LHFPL3: variants seen among roughly 807,000 people sequenced by gnomAD.
The protein encoded by LHFPL3 is LHFPL tetraspan subfamily member 3.
LHFPL3 carries 5 observed loss-of-function variants against 19.3 expected under a neutral mutation model. The observed-to-expected ratio is 0.26, with a 90% CI of 0.14 to 0.54. LHFPL3 has a LOEUF of 0.54. LHFPL3 is among the 20% of genes least tolerant of loss of function. The pLI is 0.94. For missense variants in LHFPL3, 249 were observed against 307.4 expected, an observed-to-expected ratio of 0.81 and a Z score of 1.42; for synonymous variants, 133 against 126.2, an observed-to-expected ratio of 1.05 and a Z score of -0.36.
chr7:104,578,542 A>G (rs1226874432), intron 1 of LHFPL3, among the ~76,000 whole-genome samples: 1 of 152,232 alleles, frequency 6.6e-6, no homozygotes, highest in Non-Finnish European at 1.5e-5. Flanking sequence ...GTATGATATT[A>G]CATTATATTA....
intron 1 of LHFPL3, among the ~76,000 whole-genome samples, chr7:104,521,639 T>C (rs1391085354): frequency 6.6e-6 from 1 of 152,080 alleles, no homozygotes; most frequent in Non-Finnish European, 1.5e-5. Context: ...AACCTACTCA[T>C]CTGACAAAGG....
intron 2 of LHFPL3, among the ~76,000 whole-genome samples, chr7:104,816,171 T>C (rs1790558205): frequency 6.6e-6 from 1 of 152,212 alleles, no homozygotes; most frequent in Non-Finnish European, 1.5e-5. Context: ...CTGTCGTTGT[T>C]GTTGTTTTAC....
chr7:104,338,100 T>TC (rs1237946102), intron 1 of LHFPL3, among the ~76,000 whole-genome samples: 2 of 133,770 alleles, frequency 1.5e-5, no homozygotes, highest in Non-Finnish European at 3.2e-5. Flanking sequence ...TTTCTTTTTT[T>TC]TTTTTTTTTT....
rs1019164924 is a variant in LHFPL3, at chr7:104,513,944, G to T, written c.445+184720G>T. 5.3e-5 allele frequency among the ~76,000 whole-genome samples: 8 copies of T among 151,650 alleles called. No homozygotes were observed. In the East Asian group the frequency reaches 1.4e-3, roughly 26 times the overall value. ...TTCAAATAGAAACTGACAGGACAGG[G>T]TCAAGGTCAAGGTGTGTGTGTGGAT... is the stretch of plus-strand genomic sequence containing the variant. On this transcript the variant is annotated intron_variant, in intron 1 of 2. Coordinates refer to ENST00000424859, the MANE Select transcript of LHFPL3 (RefSeq NM_199000.3).
chr7:104,896,651 G>A (rs1792365938), intron 2 of LHFPL3, among the ~76,000 whole-genome samples: 1 of 152,224 alleles, frequency 6.6e-6, no homozygotes, highest in African/African-American at 2.4e-5. Flanking sequence ...AGGCCCAGAG[G>A]TAGAACACAT....
chr7:104,893,717 C>T (rs1307175331), intron 2 of LHFPL3, among the ~76,000 whole-genome samples: 1 of 151,584 alleles, frequency 6.6e-6, no homozygotes, highest in African/African-American at 2.4e-5. Context: ...TTTGGGAGAC[C>T]AAGGCAGGTG....
At chr7:104,432,679 T>A (rs1421730871) in intron 1 of LHFPL3, among the ~76,000 whole-genome samples, 1 of 152,130 alleles carries the variant, frequency 6.6e-6, no homozygotes. Context: ...ACTAATCTCA[T>A]CCCAATCTTG....
At position 104,908,336 on chromosome 7, in the gene LHFPL3, T is replaced by C. The variant is rs1041047075; in HGVS notation, c.*2121T>C. Among the ~76,000 whole-genome samples, 4 of 152,148 alleles carry C rather than the reference T, an allele frequency of 2.6e-5. No individual in the cohort carries two copies. Among genetic ancestry groups the C allele is most frequent in the Non-Finnish European group, 5.9e-5 (4 of 68,028 alleles). ...CGATGTACCATTTGTATATAGGTAA[T>C]ACACATGTAAATCACTAATTGTTAA... On this transcript the variant is annotated 3_prime_UTR_variant, in exon 3 of 3. Coordinates refer to ENST00000424859, the MANE Select transcript of LHFPL3 (RefSeq NM_199000.3).
At chr7:104,867,548 T>C (rs1791750899) in intron 2 of LHFPL3, among the ~76,000 whole-genome samples, 1 of 152,206 alleles carries the variant, frequency 6.6e-6, no homozygotes, top group African/African-American at 2.4e-5. Flanking sequence ...AATCTCTGAA[T>C]AGACCAATAA....
At chr7:104,730,199 A>G (rs1368286204) in intron 1 of LHFPL3, among the ~76,000 whole-genome samples, 1 of 152,204 alleles carries the variant, frequency 6.6e-6, no homozygotes, top group African/African-American at 2.4e-5. Context: ...GTGCCACAGT[A>G]AACATACGTG....
chr7:104,480,032 C>T (rs919604432), intron 1 of LHFPL3, among the ~76,000 whole-genome samples: 2 of 152,164 alleles, frequency 1.3e-5, no homozygotes, highest in African/African-American at 4.8e-5. Flanking sequence ...GGTATATATT[C>T]ATCAGAGTTT....
intron 1 of LHFPL3, among the ~76,000 whole-genome samples, chr7:104,506,018 A>ATTTTTTTTTTTTTTTTTTTT (rs35956092): frequency 6.9e-6 from 1 of 145,972 alleles, no homozygotes; most frequent in Non-Finnish European, 1.5e-5. Context: ...ATGAAAACTG[A>ATTTTTTTTTTTTTTTTTTTT]TTTTTTTTTT....
At chr7:104,365,333 G>A (rs912837201) in intron 1 of LHFPL3, among the ~76,000 whole-genome samples, 1 of 151,758 alleles carries the variant, frequency 6.6e-6, no homozygotes, top group Non-Finnish European at 1.5e-5. Flanking sequence ...TAAAAAAGGA[G>A]GTGGGAGCGA....
At chr7:104,476,729 G>A (rs1225145019) in intron 1 of LHFPL3, among the ~76,000 whole-genome samples, 1 of 151,768 alleles carries the variant, frequency 6.6e-6, no homozygotes, top group Non-Finnish European at 1.5e-5. Context: ...CAGAGTGCTG[G>A]GATTACAGGC....
At chr7:104,443,691 G>C (rs939320253) in intron 1 of LHFPL3, among the ~76,000 whole-genome samples, 1 of 152,222 alleles carries the variant, frequency 6.6e-6, no homozygotes, top group Non-Finnish European at 1.5e-5. Flanking sequence ...TGAGGAGCCT[G>C]GAACAGTGCT....
At chr7:104,873,493 A>G (rs977953725) in intron 2 of LHFPL3, among the ~76,000 whole-genome samples, 1 of 127,686 alleles carries the variant, frequency 7.8e-6, no homozygotes, top group Non-Finnish European at 1.5e-5. Context: ...GGCGTGCGGT[A>G]GCACTACACC....
intron 1 of LHFPL3, among the ~76,000 whole-genome samples, chr7:104,671,793 T>C (rs1792488034): frequency 6.6e-6 from 1 of 152,196 alleles, no homozygotes; most frequent in South Asian, 2.1e-4. Flanking sequence ...ACAGTTACTT[T>C]CCATTCATTA....
intron 2 of LHFPL3, among the ~76,000 whole-genome samples, chr7:104,764,734 T>C (rs1436764018): frequency 2.6e-5 from 4 of 152,224 alleles, no homozygotes; most frequent in Non-Finnish European, 4.4e-5. Context: ...AATTCAATGC[T>C]CATTTCGCTA....
At chr7:104,570,660 A>G (rs1584409428) in intron 1 of LHFPL3, among the ~76,000 whole-genome samples, 1 of 152,186 alleles carries the variant, frequency 6.6e-6, no homozygotes, top group East Asian at 1.9e-4. Flanking sequence ...ATCAGTGTCC[A>G]TCCACCAAGA....
Sources: gnomAD v4.1 joint callset for allele counts (sites outside exome capture counted in the v4.1 genomes callset) on GRCh38, gnomAD v4.1.1 for gene constraint, MANE v1.5 for transcripts, NCBI Gene and HGNC (gene_info 2026-07-23, HGNC 2026-07-21) for gene names.